The following OMA1 variants were observed in gnomAD, a reference collection of about 807,000 sequenced individuals.
OMA1 encodes OMA1 zinc metallopeptidase.
A neutral mutation model predicts 30.9 loss-of-function variants in OMA1; 38 were observed. The observed-to-expected ratio is 1.23, with a 90% confidence interval of 0.95 to 1.61. The LOEUF (loss-of-function observed/expected upper bound fraction) is 1.61, where lower values mean the gene tolerates loss of function less well. OMA1 is among the 40% of genes most tolerant of loss of function. The pLI is 0.00. For missense variants in OMA1, 461 were observed against 349.2 expected (o/e 1.32, Z -2.55); for synonymous variants, 173 against 121.9 (o/e 1.42, Z -2.76).
chr1:58,531,989 G>A (rs1334490162), intron 5 of OMA1, among the ~76,000 whole-genome samples: 1 of 152,046 alleles, frequency 6.6e-6, no homozygotes, highest in African/African-American at 2.4e-5. Flanking sequence ...TTACAGGGGT[G>A]AGCCACTGTG....
chr1:58,523,763 G>T (rs1223763004), intron 7 of OMA1, among the ~76,000 whole-genome samples: 2 of 151,998 alleles, frequency 1.3e-5, no homozygotes, highest in Non-Finnish European at 2.9e-5. Context: ...GCCGGGCATG[G>T]TGGTGGGTGC....
chr1:58,505,047 G>C (rs564923308), intron 8 of OMA1, among the ~76,000 whole-genome samples: 72 of 152,148 alleles, frequency 4.7e-4, no homozygotes, highest in African/African-American at 1.6e-3. Flanking sequence ...CTGCCTCCAG[G>C]GTTCAAGCGA....
At chr1:58,546,473 G>A (rs943238407) in intron 1 of OMA1, among the ~76,000 whole-genome samples, 1 of 151,772 alleles carries the variant, frequency 6.6e-6, no homozygotes, top group Admixed American at 6.5e-5. Flanking sequence ...CCCCAGGACA[G>A]ATCCCCTCCG....
intron 8 of OMA1, among the ~76,000 whole-genome samples, chr1:58,494,604 T>G (rs1245737540): frequency 6.6e-6 from 1 of 151,714 alleles, no homozygotes; most frequent in Non-Finnish European, 1.5e-5. Context: ...AAAAAGTGGG[T>G]GAAGGATATG....
intron 7 of OMA1, among the ~76,000 whole-genome samples, chr1:58,514,811 A>C (rs965250456): frequency 1.3e-5 from 2 of 152,190 alleles, no homozygotes; most frequent in African/African-American, 4.8e-5. Context: ...TCCAGCAGGC[A>C]AATATAAGAT....
At chr1:58,520,272 A>C (rs1184692958) in intron 7 of OMA1, among the ~76,000 whole-genome samples, 2 of 152,208 alleles carry the variant, frequency 1.3e-5, no homozygotes, top group African/African-American at 4.8e-5. Context: ...AAAATAAAAG[A>C]GCAAGCCACA....
At chr1:58,508,455 C>A (rs540065165) in intron 7 of OMA1, among the ~76,000 whole-genome samples, 7 of 152,268 alleles carry the variant, frequency 4.6e-5, no homozygotes, top group African/African-American at 1.7e-4. Flanking sequence ...TGCTTCTGCA[C>A]CTGCACAAGT....
Position 58,506,141 on chromosome 1 carries a change from G to A in OMA1, c.1284C>T (p.Gly428=). 1.1e-6 allele frequency: 1 copy of A among 871,854 alleles called. No individual in the cohort carries two copies. 54.0% of individuals were successfully genotyped at this position (871,854 alleles called of 1,614,324 possible). Residue 428 remains glycine (G), a synonymous_variant, in exon 8 of 9, where the codon GGC becomes GGT. Coordinates refer to ENST00000371226, the MANE Select transcript of OMA1 (RefSeq NM_145243.5). The part of the protein sequence containing the change: ...QQMEFVDSLH[G]QPKMPEWLST... Reference sequence around the variant, plus strand: ...ATAACCATTCTGGCATCTTGGGTTGGCCATGCAGGCTATCAACGAACTCCA... The same window carrying A: ...ATAACCATTCTGGCATCTTGGGTTGACCATGCAGGCTATCAACGAACTCCA...
At chr1:58,506,282 T>C (rs1305434055) in intron 7 of OMA1, 73 bp from the exon 8 acceptor site, 2 of 721,982 alleles carry the variant, frequency 2.8e-6, no homozygotes, top group Non-Finnish European at 4.7e-6. Context: ...TACTTTATTT[T>C]TTTTTAATTC....
chr1:58,505,989 AAAG>A, intron 8 of OMA1, 68 bp downstream of exon 8: 1 of 768,590 alleles, frequency 1.3e-6, no homozygotes, highest in Non-Finnish European at 2.3e-6. Context: ...TTACTAAGCA[AAAG>A]AAGTGACAGC....
In OMA1 at chr1:58,536,724, C is replaced by A. The variant is rs763633797; in HGVS notation, c.518G>T (p.Trp173Leu). The change falls in exon 3 of 9, where the codon TGG (tryptophan) becomes TTG (leucine). Residue 173 changes from tryptophan to leucine, a missense_variant. Transcript: ENST00000371226. ...CTTCTTGTTAGGAGGAAGTGCCTGCCACCATTTCCTTATGCCCCTAAAGCA... is the reference window on the plus strand; with the variant it reads ...CTTCTTGTTAGGAGGAAGTGCCTGCAACCATTTCCTTATGCCCCTAAAGCA... The part of the protein sequence containing the change: ...IIVGRGIRKW[W>L]QALPPNKKEV... 2.3e-6 allele frequency: 2 copies of A among 872,526 alleles called. No individual in the cohort carries two copies. Among genetic ancestry groups the A allele is most frequent in the South Asian group, 2.6e-5 (2 of 76,502 alleles). The allele number at this position is 872,526 out of a possible 1,614,324, so 54.0% of individuals were successfully genotyped here.
At chr1:58,485,215 AAG>A (rs1172967409) in intron 8 of OMA1, among the ~76,000 whole-genome samples, 111 of 145,266 alleles carry the variant, frequency 7.6e-4, no homozygotes, top group African/African-American at 2.8e-3. Flanking sequence ...CTAAAAATAA[AAG>A]AGTCTACTAC....
chr1:58,501,854 G>C (rs981848397), intron 8 of OMA1, among the ~76,000 whole-genome samples: 3 of 152,224 alleles, frequency 2.0e-5, no homozygotes, highest in Non-Finnish European at 4.4e-5. Context: ...GGTCTGAAGG[G>C]TGGGGCCCTG....
intron 8 of OMA1, among the ~76,000 whole-genome samples, chr1:58,484,242 T>C (rs993577464): frequency 6.6e-6 from 1 of 152,226 alleles, no homozygotes; most frequent in African/African-American, 2.4e-5. Flanking sequence ...TTGTGTCTAT[T>C]TGGCTTTTAT....
chr1:58,487,491 A>G (rs1645595184), intron 8 of OMA1, among the ~76,000 whole-genome samples: 1 of 152,184 alleles, frequency 6.6e-6, no homozygotes. Context: ...TGAATCAGAA[A>G]CTTAATAACA....
rs148314621 is a variant in OMA1, at chr1:58,524,168, G to A, written c.1215+3093C>T. On this transcript the variant is annotated intron_variant, in intron 7 of 8. Coordinates refer to ENST00000371226, the MANE Select transcript of OMA1 (RefSeq NM_145243.5). ...TATCCCTTCTGCCTTAAATCTTGAT[G>A]CTCATTAATAAATGTCCTTTATGGC... Among the ~76,000 whole-genome samples the A allele has an allele frequency of 1.2e-3, 182 of 152,278 alleles. 1 individual carries two copies. The highest frequency in any genetic ancestry group is 3.9e-3 in the African/African-American group (162 of 41,540).
chr1:58,532,257 AACT>A (rs1646445295), intron 5 of OMA1, among the ~76,000 whole-genome samples: 1 of 152,210 alleles, frequency 6.6e-6, no homozygotes, highest in Non-Finnish European at 1.5e-5. Context: ...ACATATTAAT[AACT>A]ATGTTCTATT....
intron 8 of OMA1, among the ~76,000 whole-genome samples, chr1:58,483,370 T>C (rs1052807465): frequency 1.3e-5 from 2 of 152,152 alleles, no homozygotes; most frequent in African/African-American, 4.8e-5. Context: ...AGAGAGGGAC[T>C]TGTAGTCAGA....
intron 2 of OMA1, among the ~76,000 whole-genome samples, chr1:58,538,379 C>A (rs946453401): frequency 2.0e-5 from 3 of 152,158 alleles, no homozygotes; most frequent in African/African-American, 7.2e-5. Flanking sequence ...TTATGATTTG[C>A]TGCCTTAAAT....
Sources: allele counts gnomAD v4.1 joint callset (sites outside exome capture counted in the v4.1 genomes callset), GRCh38; gene constraint gnomAD v4.1.1; transcripts MANE v1.5; gene names NCBI Gene and HGNC (gene_info 2026-07-23, HGNC 2026-07-21).